ZNF782: variants seen among roughly 807,000 people sequenced by gnomAD.
The protein encoded by ZNF782 is zinc finger protein 782.
ZNF782 carries 12 observed loss-of-function variants against 13.0 expected under a neutral mutation model. The observed-to-expected ratio is 0.92, with a 90% CI of 0.59 to 1.50. The LOEUF is 1.50. Ranked by LOEUF, ZNF782 falls within the 40% of genes most tolerant of loss-of-function variation. The pLI is 0.00. For missense variants in ZNF782, 770 were observed against 822.9 expected (o/e 0.94, Z 0.79); for synonymous variants, 284 against 283.0 (o/e 1.00, Z -0.04).
rs1245860169 is a variant in ZNF782 at position 96,818,049 on chromosome 9, T to C, written c.1974A>G (p.Lys658=). The change falls in exon 6 of 6, where the codon AAA becomes AAG. Residue 658 remains lysine, a synonymous_variant. Transcript: ENST00000481138. ...CNQCGEAFSQ[K]SNLRVHQRTH... The stretch of plus-strand genomic sequence containing the variant: ...TTCTCTGATGTACTCTGAGATTGGA[T>C]TTCTGACTGAAAGCTTCCCCACACT... 6.2e-7 allele frequency: 1 copy of C among 1,606,888 alleles called. No homozygotes were observed. The highest frequency in any genetic ancestry group is 8.5e-7 in the Non-Finnish European group (1 of 1,177,104).
At chr9:96,826,907 A>C (rs893214896) in intron 5 of ZNF782, among the ~76,000 whole-genome samples, 173 bp downstream of exon 5, 8 of 152,224 alleles carry the variant, frequency 5.3e-5, no homozygotes, top group Admixed American at 3.9e-4. Context: ...AACTCTCAGA[A>C]GCTTGTAGCT....
intron 3 of ZNF782, among the ~76,000 whole-genome samples, chr9:96,848,185 G>A (rs1288442381): frequency 1.3e-5 from 2 of 152,076 alleles, no homozygotes; most frequent in African/African-American, 4.8e-5. Flanking sequence ...AAAGCCATAT[G>A]TGACAAGCCC....
the ZNF782 span, among the ~76,000 whole-genome samples, chr9:96,916,425 T>A: frequency 2.0e-5 from 3 of 151,832 alleles, no homozygotes; most frequent in African/African-American, 7.3e-5. Context: ...GGAAGGCGGA[T>A]TTGCAGTGAG....
At chr9:96,897,801 T>C in the ZNF782 span, 2 of 151,850 alleles carry the variant, frequency 1.3e-5, no homozygotes, top group Non-Finnish European at 2.9e-5. Context: ...GTGATGCTGT[T>C]TGCAACACAC....
the ZNF782 span, among the ~76,000 whole-genome samples, chr9:96,903,631 C>T: frequency 4.0e-5 from 5 of 123,848 alleles, no homozygotes; most frequent in South Asian, 2.8e-4. Flanking sequence ...GGCGCAATCT[C>T]GGCTCACTGC....
intron 4 of ZNF782, among the ~76,000 whole-genome samples, chr9:96,844,630 G>C (rs1435252712): frequency 6.6e-6 from 1 of 152,100 alleles, no homozygotes; most frequent in Non-Finnish European, 1.5e-5. Context: ...AGAATCTTCT[G>C]GGGGGTGATA....
At chr9:96,828,571 T>C (rs1850700662) in intron 4 of ZNF782, among the ~76,000 whole-genome samples, 1 of 152,202 alleles carries the variant, frequency 6.6e-6, no homozygotes, top group African/African-American at 2.4e-5. Context: ...CAGTGACACC[T>C]GTAATCCCAG....
At chr9:96,856,376 A>G (rs1416909783), upstream of ZNF782, among the ~76,000 whole-genome samples, 2 of 152,262 alleles carry the variant, frequency 1.3e-5, no homozygotes, top group African/African-American at 2.4e-5. Flanking sequence ...ATGGGAGAAC[A>G]TTGCCAGATC....
the ZNF782 span, among the ~76,000 whole-genome samples, chr9:96,882,265 T>A: frequency 6.6e-6 from 1 of 152,212 alleles, no homozygotes; most frequent in African/African-American, 2.4e-5. Flanking sequence ...CTTTCTGAGA[T>A]ATTGGACAGA....
chr9:96,894,387 C>G, the ZNF782 span: 2 of 152,152 alleles, frequency 1.3e-5, no homozygotes, highest in African/African-American at 4.8e-5. Flanking sequence ...TCCTCCATAT[C>G]TGATCAGGGC....
chr9:96,842,959 T>C (rs1475859386), intron 4 of ZNF782, among the ~76,000 whole-genome samples: 3 of 152,112 alleles, frequency 2.0e-5, no homozygotes, highest in Non-Finnish European at 4.4e-5. Context: ...TGATTATCAG[T>C]AGCCATTAGG....
chr9:96,840,774 T>A (rs1851163831), intron 4 of ZNF782, among the ~76,000 whole-genome samples: 1 of 152,054 alleles, frequency 6.6e-6, no homozygotes, highest in Non-Finnish European at 1.5e-5. Flanking sequence ...CAGTGCTGAA[T>A]TTTTTATGGC....
the ZNF782 span, among the ~76,000 whole-genome samples, chr9:96,922,804 A>T: frequency 6.6e-6 from 1 of 152,124 alleles, no homozygotes; most frequent in Non-Finnish European, 1.5e-5. Flanking sequence ...ACTTGGGGGA[A>T]GTGTAAACCA....
At chr9:96,903,559 T>G in the ZNF782 span, among the ~76,000 whole-genome samples, 5,106 of 105,538 alleles carry the variant, frequency 0.048, 406 homozygotes, top group African/African-American at 0.2. Context: ...TATGTTGGTT[T>G]TTTTTTTTTT....
upstream of ZNF782, among the ~76,000 whole-genome samples, chr9:96,878,999 A>G (rs149812288): frequency 3.1e-3 from 468 of 152,336 alleles, 4 homozygotes; most frequent in African/African-American, 0.011. Flanking sequence ...ATTTCTTTTA[A>G]AAAAAGAAAA....
the ZNF782 span, among the ~76,000 whole-genome samples, chr9:96,899,542 A>G: frequency 6.6e-6 from 1 of 152,192 alleles, no homozygotes; most frequent in Non-Finnish European, 1.5e-5. Flanking sequence ...GAAACCAGGT[A>G]ATTTATAAAT....
At chr9:96,919,135 G>A in the ZNF782 span, 1 of 157,394 alleles carries the variant, frequency 6.4e-6, no homozygotes, top group Non-Finnish European at 1.5e-5. Context: ...ATCAAAATTG[G>A]AACTCTGAAC....
In ZNF782 at chr9:96,850,651, C is replaced by G. The variant is rs1851459946; in HGVS notation, c.15+1296G>C. Reference sequence around the variant, plus strand: ...CAAGAAACCACTTGTACCCCAAAAGCTATTGAAATAAAACATTTTAAAGAA... The same window carrying G: ...CAAGAAACCACTTGTACCCCAAAAGGTATTGAAATAAAACATTTTAAAGAA... On this transcript the variant is annotated intron_variant, in intron 3 of 5. Coordinates refer to ENST00000481138, the MANE Select transcript of ZNF782 (RefSeq NM_001001662.3). This position sits in a 1 kb window ranked among gnomAD's most constrained non-coding sequence, Gnocchi z 4.3. 6.6e-6 allele frequency among the ~76,000 whole-genome samples: 1 copy of G among 152,062 alleles called. No individual in the cohort carries two copies. The highest frequency in any genetic ancestry group is 2.1e-4 in the South Asian group (1 of 4,828).
chr9:96,884,103 A>C, the ZNF782 span, among the ~76,000 whole-genome samples: 1 of 152,218 alleles, frequency 6.6e-6, no homozygotes, highest in African/African-American at 2.4e-5. Flanking sequence ...CTGATTTCCC[A>C]ATCTGGTGGT....
Sources: allele counts gnomAD v4.1 joint callset (sites outside exome capture counted in the v4.1 genomes callset), GRCh38; gene constraint gnomAD v4.1.1; non-coding constraint Gnocchi (gnomAD v3.1); transcripts MANE v1.5; gene names NCBI Gene and HGNC (gene_info 2026-07-23, HGNC 2026-07-21).